NRXN3: variants seen among roughly 807,000 people sequenced by gnomAD.
NRXN3 encodes the protein neurexin 3.
Under a neutral mutation model 137.6 loss-of-function variants are expected in NRXN3, and 32 were observed. That is an observed-to-expected ratio of 0.23 (90% CI 0.18 to 0.31). The LOEUF (loss-of-function observed/expected upper bound fraction) is 0.31. Among genes scored for constraint, NRXN3 ranks in the 10% least tolerant of loss-of-function variants. The pLI is 1.00. For synonymous variants in NRXN3, 798 were observed against 784.5 expected (o/e 1.02, Z -0.29); for missense variants, 1,574 against 2,062.5 (o/e 0.76, Z 4.59).
chr14:79,500,619 T>C (rs942029080), intron 16 of NRXN3, among the ~76,000 whole-genome samples: 1 of 152,172 alleles, frequency 6.6e-6, no homozygotes, highest in Non-Finnish European at 1.5e-5. Context: ...CCACTTTCGT[T>C]TGTGTCTTAG....
chr14:78,488,401 C>A (rs1452441584), intron 4 of NRXN3, among the ~76,000 whole-genome samples: 1 of 152,182 alleles, frequency 6.6e-6, no homozygotes, highest in Non-Finnish European at 1.5e-5. Context: ...TGATCTAAAG[C>A]CCTGCTCTGC....
intron 10 of NRXN3, among the ~76,000 whole-genome samples, chr14:78,947,458 A>C (rs935903370): frequency 2.1e-4 from 32 of 152,334 alleles, no homozygotes; most frequent in African/African-American, 7.0e-4. Context: ...TCCAGATGGG[A>C]TATTCATCCA....
In NRXN3 at chr14:79,865,214, A is replaced by G. The variant is rs1236910386; in HGVS notation, c.*3250A>G. 3 of 152,212 alleles carry G rather than the reference A, an allele frequency of 2.0e-5. No individual in the cohort carries two copies. Among genetic ancestry groups the G allele is most frequent in the Admixed American group, 2.0e-4 (3 of 15,286 alleles). The allele number at this position is 152,212 out of a possible 1,614,324, so 9.4% of individuals were successfully genotyped here. ...CCCACCATATTAAAATTTAAAATTA[A>G]AAAACAGAATCCAAAACCAAAATTT... On this transcript the variant is annotated 3_prime_UTR_variant, in exon 21 of 21. Transcript: ENST00000335750.
intron 4 of NRXN3, among the ~76,000 whole-genome samples, chr14:78,337,388 T>C (rs1004783375): frequency 6.6e-6 from 1 of 152,100 alleles, no homozygotes; most frequent in Non-Finnish European, 1.5e-5. Flanking sequence ...TACTGGGTTG[T>C]AGGTACCAGG....
intron 4 of NRXN3, chr14:78,300,537 T>TTTTG (rs1359161456): frequency 1.7e-6 from 1 of 586,384 alleles, no homozygotes; most frequent in Non-Finnish European, 3.0e-6. Context: ...TGTTGTGAGT[T>TTTTG]TTTGTTTTGT....
intron 1 of NRXN3, among the ~76,000 whole-genome samples, chr14:78,192,510 G>A (rs921611271): frequency 1.3e-5 from 2 of 152,202 alleles, no homozygotes; most frequent in African/African-American, 2.4e-5. Flanking sequence ...AGTACCTGCT[G>A]GGTTCAGACA....
At chr14:79,818,046 GTTTTT>G (rs55815632) in intron 20 of NRXN3, among the ~76,000 whole-genome samples, 6 of 90,246 alleles carry the variant, frequency 6.6e-5, no homozygotes, top group Non-Finnish European at 1.1e-4. Context: ...GTGCACTTGG[GTTTTT>G]TTTTTTTTTT....
intron 16 of NRXN3, among the ~76,000 whole-genome samples, chr14:79,535,835 C>T (rs1204008704): frequency 1.3e-5 from 2 of 152,148 alleles, no homozygotes; most frequent in African/African-American, 2.4e-5. Flanking sequence ...CCTTCTAAGG[C>T]AGGTTTACTG....
intron 4 of NRXN3, among the ~76,000 whole-genome samples, chr14:78,607,604 G>A (rs972601006): frequency 1.3e-5 from 2 of 152,078 alleles, no homozygotes; most frequent in African/African-American, 4.8e-5. Context: ...TGTGTAGAGG[G>A]AAGAGTGTTT....
chr14:78,323,932 A>G (rs529610444), intron 4 of NRXN3, among the ~76,000 whole-genome samples: 2 of 152,170 alleles, frequency 1.3e-5, no homozygotes, highest in East Asian at 1.9e-4. Flanking sequence ...TAGTATTATT[A>G]ATACAATGAG....
chr14:78,579,816 A>G (rs1306219743), intron 4 of NRXN3, among the ~76,000 whole-genome samples: 1 of 152,166 alleles, frequency 6.6e-6, no homozygotes, highest in Non-Finnish European at 1.5e-5. Context: ...ACTGGAAAAT[A>G]ACTAGCCTAG....
Position 79,625,324 on chromosome 14 carries a change from TA to T in NRXN3, c.3445-38446del, listed in dbSNP as rs1006709728. The stretch of plus-strand genomic sequence containing the variant: ...TGAACATGTGGGTTATTTTAGTGGT[TA>T]AAAAAAATAGGAAAATAACTATAAA... On this transcript the variant is annotated intron_variant, in intron 16 of 20. Transcript: ENST00000335750. Among the ~76,000 whole-genome samples the T allele has an allele frequency of 1.1e-3, 161 of 152,004 alleles. 1 individual carries two copies. Among genetic ancestry groups the T allele is most frequent in the African/African-American group, 1.7e-3 (71 of 41,470 alleles).
intron 15 of NRXN3, among the ~76,000 whole-genome samples, chr14:79,308,895 T>TTTTATTTTA (rs1555368439): frequency 6.9e-6 from 1 of 145,332 alleles, no homozygotes; most frequent in African/African-American, 2.5e-5. Context: ...ATTTTATTTT[T>TTTTATTTTA]TTTTATTTTA....
At chr14:78,372,081 T>TC (rs59928607) in intron 4 of NRXN3, among the ~76,000 whole-genome samples, 148,767 of 151,910 alleles carry the variant, frequency 0.98, 72,891 homozygotes, top group Non-Finnish European at 1. Context: ...AGAGAGTTTG[T>TC]CTTAGAAAAA....
intron 20 of NRXN3, among the ~76,000 whole-genome samples, chr14:79,851,795 C>A (rs1480205088): frequency 2.6e-5 from 4 of 152,184 alleles, no homozygotes; most frequent in African/African-American, 9.7e-5. Flanking sequence ...TCTACAGTAT[C>A]TTCCTCTCCG....
At chr14:78,921,226 T>G (rs963205068) in intron 10 of NRXN3, among the ~76,000 whole-genome samples, 17 of 152,204 alleles carry the variant, frequency 1.1e-4, no homozygotes, top group South Asian at 2.1e-4. Flanking sequence ...GAAAGATTTT[T>G]TTGTTGTTGT....
chr14:78,792,257 C>CAAAAAAAAAAAAAAAAAAAA (rs140968788), intron 8 of NRXN3, among the ~76,000 whole-genome samples: 1 of 19,460 alleles, frequency 5.1e-5, no homozygotes, highest in African/African-American at 2.8e-4. Context: ...AGACTAAAGG[C>CAAAAAAAAAAAAAAAAAAAA]AAAAAAAAAA....
intron 8 of NRXN3, among the ~76,000 whole-genome samples, chr14:78,757,271 G>A (rs1180274969): frequency 3.3e-5 from 5 of 152,046 alleles, no homozygotes; most frequent in African/African-American, 1.2e-4. Context: ...TTAGCCGAAT[G>A]TGGCAATGTG....
chr14:78,570,779 T>A (rs73324495), intron 4 of NRXN3, among the ~76,000 whole-genome samples: 1 of 152,308 alleles, frequency 6.6e-6, no homozygotes, highest in African/African-American at 2.4e-5. Flanking sequence ...ATTGCATTGG[T>A]GACTTTTTAA....
Sources: gnomAD v4.1 joint callset for allele counts (sites outside exome capture counted in the v4.1 genomes callset) on GRCh38, gnomAD v4.1.1 for gene constraint, MANE v1.5 for transcripts, NCBI Gene and HGNC (gene_info 2026-07-23, HGNC 2026-07-21) for gene names.